Variants in LMBR1 observed in about 807,000 individuals in gnomAD.
The protein encoded by LMBR1 is limb development membrane protein 1.
A neutral mutation model predicts 73.9 loss-of-function variants in LMBR1; 52 were observed. The ratio of observed to expected loss-of-function variants is 0.70; its 90% CI spans 0.56 to 0.89. LMBR1 has a LOEUF of 0.89. LMBR1 is among the 40% of genes least tolerant of loss of function. The pLI, the probability that LMBR1 is intolerant of heterozygous loss-of-function variation, is 0.00. For synonymous variants in LMBR1, 215 were observed against 209.4 expected (o/e 1.03, Z -0.23); for missense variants, 539 against 579.8 (o/e 0.93, Z 0.72).
At chr7:156,826,305 T>TGAG (rs774120440) in intron 4 of LMBR1, among the ~76,000 whole-genome samples, 4 of 152,178 alleles carry the variant, frequency 2.6e-5, no homozygotes, top group Non-Finnish European at 5.9e-5. Flanking sequence ...AAATGGAGGT[T>TGAG]GAGTTCTTCT....
intron 8 of LMBR1, among the ~76,000 whole-genome samples, chr7:156,757,913 C>A (rs1822207671): frequency 6.6e-6 from 1 of 152,126 alleles, no homozygotes; most frequent in Admixed American, 6.5e-5. Context: ...CCTTGAGAAG[C>A]CTGACTTGGA....
intron 1 of LMBR1, among the ~76,000 whole-genome samples, chr7:156,879,977 T>C (rs1800821888): frequency 6.6e-6 from 1 of 152,240 alleles, no homozygotes; most frequent in African/African-American, 2.4e-5. Context: ...AACTATCATT[T>C]GATCCAGCAA....
chr7:156,804,481 A>T (rs1831637321), intron 4 of LMBR1, among the ~76,000 whole-genome samples: 1 of 152,232 alleles, frequency 6.6e-6, no homozygotes, highest in African/African-American at 2.4e-5. Context: ...TGTATTTTAC[A>T]GTCTCTCACC....
intron 1 of LMBR1, among the ~76,000 whole-genome samples, chr7:156,855,164 AAAC>A (rs373904268): frequency 1.2e-4 from 19 of 152,364 alleles, no homozygotes; most frequent in African/African-American, 4.3e-4. Flanking sequence ...GTGGAAAAGT[AAAC>A]AACATTCAAA....
chr7:156,763,843 T>A (rs762988867), intron 5 of LMBR1, 48 bp from the exon 6 acceptor site: 1 of 1,497,356 alleles, frequency 6.7e-7, no homozygotes, highest in Non-Finnish European at 9.0e-7. Flanking sequence ...CTTCATTTCA[T>A]GAACAATAAG....
At chr7:156,676,664 T>A (rs201568857), downstream of LMBR1, 16 of 1,605,472 alleles carry the variant, frequency 1.0e-5, no homozygotes, top group African/African-American at 1.9e-4. Context: ...GAATTCATAG[T>A]CAAGGAAAGT....
At chr7:156,673,606 G>C (rs1803091689), downstream of LMBR1, among the ~76,000 whole-genome samples, 2 of 152,100 alleles carry the variant, frequency 1.3e-5, no homozygotes, top group Non-Finnish European at 1.5e-5. Flanking sequence ...CAAAACACAG[G>C]TGCCTGGAAG....
At position 156,833,311 on chromosome 7, in the gene LMBR1, A is replaced by C. The variant is rs372277863; in HGVS notation, c.179+442T>G. On this transcript the variant is annotated intron_variant, in intron 3 of 16. Coordinates refer to ENST00000353442, the MANE Select transcript of LMBR1 (RefSeq NM_022458.4). Reference sequence around the variant, plus strand: ...CAGTTTGATACTTCAATAAAATTACAGGACCTCCCTATCATATCTCACCGG... The same window carrying C: ...CAGTTTGATACTTCAATAAAATTACCGGACCTCCCTATCATATCTCACCGG... 2.7e-3 allele frequency among the ~76,000 whole-genome samples: 417 copies of C among 152,360 alleles called. 1 individual carries two copies. Among genetic ancestry groups the C allele is most frequent in the Admixed American group, 5.6e-3 (86 of 15,304 alleles).
At chr7:156,840,029 A>G (rs1838371985) in intron 1 of LMBR1, among the ~76,000 whole-genome samples, 1 of 152,240 alleles carries the variant, frequency 6.6e-6, no homozygotes, top group Admixed American at 6.5e-5. Flanking sequence ...GAAGACAGAA[A>G]CACAGTGAAT....
intron 12 of LMBR1, among the ~76,000 whole-genome samples, chr7:156,726,764 A>C (rs1395739476): frequency 6.6e-6 from 1 of 152,194 alleles, no homozygotes; most frequent in East Asian, 1.9e-4. Context: ...AAGGTCACAC[A>C]CTGATCTGTC....
intron 15 of LMBR1, among the ~76,000 whole-genome samples, chr7:156,720,001 C>A (rs1394203513): frequency 6.6e-6 from 1 of 151,462 alleles, no homozygotes; most frequent in Non-Finnish European, 1.5e-5. Flanking sequence ...CCATAAAAAC[C>A]CTAGAAGAAA....
At chr7:156,878,189 G>C (rs1283638686) in intron 1 of LMBR1, among the ~76,000 whole-genome samples, 1 of 152,136 alleles carries the variant, frequency 6.6e-6, no homozygotes, top group African/African-American at 2.4e-5. Flanking sequence ...CATAGTACTG[G>C]AAGTCCTAGC....
intron 1 of LMBR1, among the ~76,000 whole-genome samples, chr7:156,839,047 C>CTTTTT (rs1164786244): frequency 1.7e-4 from 17 of 98,514 alleles, no homozygotes; most frequent in South Asian, 3.4e-4. Context: ...TAGTCCTTTG[C>CTTTTT]TTTTTTTTTT....
chr7:156,824,768 C>A (rs1319494959), intron 4 of LMBR1, among the ~76,000 whole-genome samples: 2 of 151,856 alleles, frequency 1.3e-5, no homozygotes, highest in African/African-American at 4.8e-5. Flanking sequence ...TCACCTGAGC[C>A]CAGGAGGTGG....
At chr7:156,716,424 T>C (rs1018807405) in intron 15 of LMBR1, among the ~76,000 whole-genome samples, 18 of 152,232 alleles carry the variant, frequency 1.2e-4, no homozygotes, top group Non-Finnish European at 1.6e-4. Context: ...AACTAGAGTA[T>C]GTGAACTTGA....
At position 156,727,647 on chromosome 7, in the gene LMBR1, T is replaced by A. The variant is rs544327522; in HGVS notation, c.993+283A>T. On this transcript the variant is annotated intron_variant, in intron 12 of 16. Transcript: ENST00000353442. ...GAATCAAGACTATGGCTAAAGGAAT[T>A]TCATATAGCTAAATGAATTTCAGTA... Among the ~76,000 whole-genome samples the A allele has an allele frequency of 3.5e-4, 53 of 152,132 alleles. 2 individuals are homozygous for A. The highest frequency in any genetic ancestry group is 3.4e-3 in the Middle Eastern group (1 of 294).
chr7:156,847,665 CA>C (rs35984904), intron 1 of LMBR1, among the ~76,000 whole-genome samples: 16,631 of 152,128 alleles, frequency 0.11, 1,171 homozygotes, highest in East Asian at 0.29. Context: ...AGCAAATAAG[CA>C]CACAAAAAGA....
chr7:156,711,864 A>G (rs755739842), intron 15 of LMBR1, among the ~76,000 whole-genome samples: 53 of 152,346 alleles, frequency 3.5e-4, no homozygotes, highest in Non-Finnish European at 6.2e-4. Flanking sequence ...GATGGATTAA[A>G]GACTGAAATG....
chr7:156,752,887 C>T, intron 9 of LMBR1, among the ~76,000 whole-genome samples: 1 of 148,766 alleles, frequency 6.7e-6, no homozygotes, highest in Non-Finnish European at 1.5e-5. Context: ...CAAAAGGGAG[C>T]TAAGAGTGTA....
Sources: allele counts gnomAD v4.1 joint callset (sites outside exome capture counted in the v4.1 genomes callset), GRCh38; gene constraint gnomAD v4.1.1; transcripts MANE v1.5; gene names NCBI Gene and HGNC (gene_info 2026-07-23, HGNC 2026-07-21).